The following ZNF618 variants were observed in gnomAD, a reference collection of about 807,000 sequenced individuals.
The protein encoded by ZNF618 is neural precursor cell expressed, developmentally down-regulated 10.
ZNF618 carries 34 observed loss-of-function variants against 103.0 expected under a neutral mutation model. The observed-to-expected ratio is 0.33, with a 90% confidence interval of 0.25 to 0.44. The LOEUF is 0.44. ZNF618 is among the 20% of genes least tolerant of loss of function. The pLI, the probability that ZNF618 is intolerant of heterozygous loss-of-function variation, is 1.00. For missense variants in ZNF618, 1,059 were observed against 1,295.4 expected, an observed-to-expected ratio of 0.82 and a Z score of 2.80; for synonymous variants, 551 against 542.2, an observed-to-expected ratio of 1.02 and a Z score of -0.23.
rs377262132 is a variant in ZNF618 at position 114,050,442 on chromosome 9, G to GCGCA, written c.*276_*277insGCAC. The GCGCA allele has an allele frequency of 1.4e-4, 30 of 210,438 alleles. No homozygotes were observed. The highest frequency in any genetic ancestry group is 3.2e-4 in the African/African-American group (13 of 40,892). The allele number at this position is 210,438 out of a possible 1,614,324, so 13.0% of individuals were successfully genotyped here. ...ATGGCCAGAGAAACTTTGCACACAC[G>GCGCA]CACACACACACACACACACACACAC... On this transcript the variant is annotated 3_prime_UTR_variant, in exon 15 of 15. Coordinates refer to ENST00000374126, the MANE Select transcript of ZNF618 (RefSeq NM_001318042.2).
At chr9:114,016,001 T>C in intron 9 of ZNF618, 7 of 991,038 alleles carry the variant, frequency 7.1e-6, no homozygotes, top group Non-Finnish European at 1.1e-5. Flanking sequence ...CAGGGCACCC[T>C]CCCCCAAGGG....
At chr9:113,948,767 T>G (rs558523177) in intron 1 of ZNF618, among the ~76,000 whole-genome samples, 1 of 152,212 alleles carries the variant, frequency 6.6e-6, no homozygotes, top group South Asian at 2.1e-4. Flanking sequence ...TCCCTGATGT[T>G]GTGGTGGTGG....
At chr9:114,035,477 C>A (rs1001420785) in intron 12 of ZNF618, among the ~76,000 whole-genome samples, 15 of 152,330 alleles carry the variant, frequency 9.8e-5, no homozygotes, top group African/African-American at 3.4e-4. Flanking sequence ...CCAGCCCTGG[C>A]AGGAGCTCAG....
intron 13 of ZNF618, among the ~76,000 whole-genome samples, chr9:114,044,934 C>T (rs1381895904): frequency 6.6e-6 from 1 of 151,960 alleles, no homozygotes; most frequent in Non-Finnish European, 1.5e-5. Flanking sequence ...GATTTTGTAT[C>T]CTGAAACTTT....
rs1368988408 is a variant in ZNF618 at position 114,053,769 on chromosome 9, T to C, written c.*3602T>C. On this transcript the variant is annotated 3_prime_UTR_variant, in exon 15 of 15. Transcript: ENST00000374126. ...TGGCTCAGCCAGCCAGGCCTCCCTC[T>C]AATGGCATTTAGTAACCAGGAAACA... 1 of 152,216 alleles carries C rather than the reference T, an allele frequency of 6.6e-6. No homozygotes were observed. The highest frequency in any genetic ancestry group is 1.5e-5 in the Non-Finnish European group (1 of 68,088). The allele number at this position is 152,216 out of a possible 1,614,324, so 9.4% of individuals were successfully genotyped here.
At chr9:114,034,205 G>A (rs570482250) in intron 12 of ZNF618, among the ~76,000 whole-genome samples, 19 of 152,240 alleles carry the variant, frequency 1.2e-4, no homozygotes, top group Admixed American at 1.1e-3. Context: ...ACTGCTTTGC[G>A]GAAGGGAATG....
intron 13 of ZNF618, among the ~76,000 whole-genome samples, chr9:114,040,609 C>T (rs922345511): frequency 1.3e-5 from 2 of 152,130 alleles, no homozygotes; most frequent in African/African-American, 4.8e-5. Context: ...TGATAGTTTG[C>T]TGAGAATGAT....
At chr9:114,018,154 C>T (rs993714847) in intron 10 of ZNF618, among the ~76,000 whole-genome samples, 1 of 152,220 alleles carries the variant, frequency 6.6e-6, no homozygotes, top group African/African-American at 2.4e-5. Flanking sequence ...TTCCACTTCC[C>T]AGCCTGGGCT....
At chr9:113,876,483 C>A in intron 1 of ZNF618, 70 bp downstream of exon 1, 1 of 1,119,378 alleles carries the variant, frequency 8.9e-7, no homozygotes. Flanking sequence ...GGCGCTGCGC[C>A]ACTTCATTGC....
intron 1 of ZNF618, among the ~76,000 whole-genome samples, chr9:113,948,695 T>C (rs1405172778): frequency 1.3e-5 from 2 of 152,208 alleles, no homozygotes; most frequent in African/African-American, 4.8e-5. Context: ...TGCCAGCCAT[T>C]GTGCGAGGAG....
chr9:113,947,561 C>T (rs1365243285), intron 1 of ZNF618, among the ~76,000 whole-genome samples: 1 of 152,192 alleles, frequency 6.6e-6, no homozygotes, highest in Non-Finnish European at 1.5e-5. Context: ...GCTCCTACAG[C>T]CATGTGCCTC....
At chr9:114,036,835 G>A (rs902457059) in intron 13 of ZNF618, among the ~76,000 whole-genome samples, 2 of 152,232 alleles carry the variant, frequency 1.3e-5, no homozygotes, top group African/African-American at 4.8e-5. Context: ...AACACCCTAT[G>A]TCCCAGAATG....
intron 10 of ZNF618, 29 bp downstream of exon 10, chr9:114,016,813 G>C (rs971935778): frequency 1.3e-6 from 2 of 1,585,022 alleles, no homozygotes; most frequent in Non-Finnish European, 1.7e-6. Context: ...TAGGGATGGG[G>C]GTTGGGGGAC....
chr9:114,032,787 C>T (rs111314958), intron 12 of ZNF618, 59 bp downstream of exon 12: 17 of 1,490,234 alleles, frequency 1.1e-5, no homozygotes, highest in African/African-American at 5.5e-5. Context: ...CCCGCTCCCC[C>T]CTGGCAGCCG....
At chr9:114,038,498 GAA>G (rs1564334837) in intron 13 of ZNF618, among the ~76,000 whole-genome samples, 1 of 152,226 alleles carries the variant, frequency 6.6e-6, no homozygotes, top group African/African-American at 2.4e-5. Flanking sequence ...TCCATAGAGA[GAA>G]ATTAAGCATC....
chr9:113,890,711 C>T (rs73658303), intron 1 of ZNF618, among the ~76,000 whole-genome samples: 2,329 of 152,220 alleles, frequency 0.015, 50 homozygotes, highest in African/African-American at 0.054. Flanking sequence ...AGGTGGTATC[C>T]GTTTACATTT....
At chr9:113,889,617 T>C (rs1446125599) in intron 1 of ZNF618, among the ~76,000 whole-genome samples, 4 of 152,332 alleles carry the variant, frequency 2.6e-5, no homozygotes, top group African/African-American at 9.6e-5. Context: ...CAGCTTTACA[T>C]TGAGCATGTA....
chr9:113,964,750 C>CTTTTTT (rs765191153), intron 1 of ZNF618, among the ~76,000 whole-genome samples: 16 of 98,442 alleles, frequency 1.6e-4, no homozygotes, highest in Non-Finnish European at 2.7e-4. Context: ...CTCCTTTCTG[C>CTTTTTT]TTTTTTTTTT....
intron 13 of ZNF618, among the ~76,000 whole-genome samples, chr9:114,040,095 T>C (rs1377247807): frequency 2.0e-5 from 3 of 151,288 alleles, no homozygotes; most frequent in African/African-American, 7.2e-5. Flanking sequence ...ACCAATATTA[T>C]ACATTGTTAT....
Sources: gnomAD v4.1 joint callset for allele counts (sites outside exome capture counted in the v4.1 genomes callset) on GRCh38, gnomAD v4.1.1 for gene constraint, MANE v1.5 for transcripts, NCBI Gene and HGNC (gene_info 2026-07-23, HGNC 2026-07-21) for gene names.